NPAS2: variants seen among roughly 807,000 people sequenced by gnomAD.
NPAS2 encodes the protein neuronal PAS domain protein 2.
In NPAS2, 23 loss-of-function variants were observed where a neutral mutation model predicts 107.5. The ratio of observed to expected loss-of-function variants is 0.21; its 90% CI spans 0.15 to 0.30. NPAS2 has a LOEUF of 0.30. Among genes scored for constraint, NPAS2 ranks in the 10% least tolerant of loss-of-function variants. The pLI is 1.00. For synonymous variants in NPAS2, 403 were observed against 417.5 expected (o/e 0.97, Z 0.42); for missense variants, 756 against 1,043.3 (o/e 0.72, Z 3.79).
At chr2:100,853,260 A>G (rs896908887) in intron 1 of NPAS2, among the ~76,000 whole-genome samples, 1 of 152,252 alleles carries the variant, frequency 6.6e-6, no homozygotes, top group Non-Finnish European at 1.5e-5. Context: ...GGAAGAGTTG[A>G]TAAGCAGTAA....
At position 100,934,191 on chromosome 2, in the gene NPAS2, G is replaced by A. The variant is rs544918153; in HGVS notation, c.273+1190G>A. The A allele has an allele frequency of 2.0e-5, 3 of 152,248 alleles. No individual in the cohort carries two copies. In the South Asian group the frequency reaches 6.2e-4, roughly 32 times the overall value. The allele number at this position is 152,248 out of a possible 1,614,324, so 9.4% of individuals were successfully genotyped here. On this transcript the variant is annotated intron_variant, in intron 4 of 20. Transcript: ENST00000335681. ...TTAAATTTAAAGCAGCTTGTGAAAT[G>A]TTGAATTAATGTATCATTATGCTAA...
chr2:100,925,517 G>A (rs1683504291), intron 3 of NPAS2, among the ~76,000 whole-genome samples: 1 of 152,186 alleles, frequency 6.6e-6, no homozygotes, highest in Non-Finnish European at 1.5e-5. Context: ...CCAGACGAGA[G>A]AATCCAAAAC....
At chr2:100,915,806 A>T (rs1382955924) in intron 2 of NPAS2, among the ~76,000 whole-genome samples, 1 of 152,204 alleles carries the variant, frequency 6.6e-6, no homozygotes, top group Non-Finnish European at 1.5e-5. Flanking sequence ...TTTTCAGCAG[A>T]AAGGAAATGA....
chr2:100,941,616 A>G (rs1674579010), intron 5 of NPAS2, among the ~76,000 whole-genome samples: 1 of 152,146 alleles, frequency 6.6e-6, no homozygotes. Context: ...GCACCAGCAC[A>G]TTTTGGTGTC....
At chr2:100,856,650 G>C (rs1558812730) in intron 1 of NPAS2, among the ~76,000 whole-genome samples, 1 of 146,302 alleles carries the variant, frequency 6.8e-6, no homozygotes. Flanking sequence ...CGAGTGCATT[G>C]CATCTGCTTT....
chr2:100,936,879 C>G (rs535947255), intron 4 of NPAS2, among the ~76,000 whole-genome samples: 9 of 148,746 alleles, frequency 6.1e-5, no homozygotes, highest in Middle Eastern at 3.4e-3. Flanking sequence ...CTACTCGGGA[C>G]ACTGAAGCAG....
chr2:100,968,472 T>TG lies in NPAS2; in HGVS notation c.1055+49dup, dbSNP rs768181073. On this transcript the variant is annotated intron_variant, in intron 11 of 20. Transcript: ENST00000335681. This position sits in a 1 kb window ranked among gnomAD's most constrained non-coding sequence, Gnocchi z 5.3. ...GGTGCGGCTGCGTCCTTGTCGCACCTGGGGGAGGGGTGCAGGATGGCGTGG... is the reference window on the plus strand; with the variant it reads ...GGTGCGGCTGCGTCCTTGTCGCACCTGGGGGGAGGGGTGCAGGATGGCGTGG... 1.3e-6 allele frequency: 2 copies of TG among 1,596,462 alleles called. No homozygotes were observed. Among genetic ancestry groups the TG allele is most frequent in the South Asian group, 1.1e-5 (1 of 90,234 alleles).
At chr2:100,904,258 T>C (rs915330313) in intron 1 of NPAS2, among the ~76,000 whole-genome samples, 3 of 151,894 alleles carry the variant, frequency 2.0e-5, no homozygotes, top group Admixed American at 2.0e-4. Context: ...CACTGGGAGG[T>C]GCGTGCGACC....
intron 1 of NPAS2, among the ~76,000 whole-genome samples, chr2:100,881,406 C>T (rs72973613): frequency 0.031 from 4,648 of 152,336 alleles, 131 homozygotes; most frequent in African/African-American, 0.073. Context: ...GCTGCTGGGC[C>T]GGGGCATGGG....
chr2:100,922,142 G>A (rs182757213), intron 2 of NPAS2, among the ~76,000 whole-genome samples: 126 of 152,236 alleles, frequency 8.3e-4, no homozygotes, highest in South Asian at 5.6e-3. Flanking sequence ...GGGGGTGGGC[G>A]GATCAATCAC....
intron 7 of NPAS2, among the ~76,000 whole-genome samples, chr2:100,953,430 CGTGACCTATG>C (rs1355840208): frequency 6.6e-6 from 1 of 150,838 alleles, no homozygotes; most frequent in Non-Finnish European, 1.5e-5. Flanking sequence ...ATTTAACCAC[CGTGACCTATG>C]AGATATGCTT....
chr2:100,955,833 C>T (rs1675534276), intron 7 of NPAS2, among the ~76,000 whole-genome samples: 1 of 152,136 alleles, frequency 6.6e-6, no homozygotes, highest in South Asian at 2.1e-4. Flanking sequence ...TACCTGATGT[C>T]CCTACTCAGG....
chr2:100,864,969 G>A (rs972600018), intron 1 of NPAS2, among the ~76,000 whole-genome samples: 3 of 152,176 alleles, frequency 2.0e-5, no homozygotes, highest in African/African-American at 7.2e-5. Context: ...GAGAAGAGTA[G>A]CATTGTTTTA....
chr2:100,883,328 G>A (rs138039679), intron 1 of NPAS2, among the ~76,000 whole-genome samples: 1 of 152,274 alleles, frequency 6.6e-6, no homozygotes, highest in African/African-American at 2.4e-5. Context: ...GTGCAGGCAA[G>A]GTTGCTGGGT....
intron 3 of NPAS2, 142 bp downstream of exon 3, chr2:100,925,436 C>A: frequency 1.2e-6 from 1 of 803,380 alleles, no homozygotes; most frequent in Non-Finnish European, 2.0e-6. Flanking sequence ...ATTGTAAAGA[C>A]ACTCCACCCT....
chr2:100,988,367 G>T (rs1000512127), intron 17 of NPAS2, 91 bp downstream of exon 17: 2 of 1,090,386 alleles, frequency 1.8e-6, no homozygotes, highest in African/African-American at 3.1e-5. Context: ...CAGCCTACGT[G>T]AACTGAGGCC....
intron 1 of NPAS2, among the ~76,000 whole-genome samples, chr2:100,828,223 T>C (rs931293451): frequency 8.5e-5 from 13 of 152,206 alleles, no homozygotes; most frequent in African/African-American, 3.1e-4. Flanking sequence ...TGTCTGTTCA[T>C]GTATTTTGCC....
rs377477882 is a variant in NPAS2, at chr2:100,912,723, G to A, written c.32+7937G>A. On this transcript the variant is annotated intron_variant, in intron 2 of 20. Transcript: ENST00000335681. ...ACAACACGTGGTTGCATTCAAGGGC[G>A]AATGTCACGGGGAAGCTCTATCTCC... is the stretch of plus-strand genomic sequence containing the variant. Among the ~76,000 whole-genome samples the A allele has an allele frequency of 1.6e-3, 242 of 152,352 alleles. 11 individuals carry two copies. In the South Asian group the frequency reaches 0.046, roughly 29 times the overall value.
intron 2 of NPAS2, among the ~76,000 whole-genome samples, chr2:100,923,806 TTGA>T (rs1309730010): frequency 6.6e-6 from 1 of 152,252 alleles, no homozygotes; most frequent in African/African-American, 2.4e-5. Flanking sequence ...ACGTGGATTG[TTGA>T]TGAAGGGCCT....
Sources: gnomAD v4.1 joint callset for allele counts (sites outside exome capture counted in the v4.1 genomes callset) on GRCh38, gnomAD v4.1.1 for gene constraint, Gnocchi (gnomAD v3.1) non-coding constraint, MANE v1.5 for transcripts, NCBI Gene and HGNC (gene_info 2026-07-23, HGNC 2026-07-21) for gene names.